TSPAN14: variants seen among roughly 807,000 people sequenced by gnomAD.
TSPAN14 encodes the protein tetraspanin-14.
Under a neutral mutation model 36.6 loss-of-function variants are expected in TSPAN14, and 16 were observed. The ratio of observed to expected loss-of-function variants is 0.44; its 90% confidence interval spans 0.30 to 0.66. The LOEUF is 0.66. TSPAN14 is among the 30% of genes least tolerant of loss of function. The pLI, the probability that TSPAN14 is intolerant of heterozygous loss-of-function variation, is 0.12. For synonymous variants in TSPAN14, 139 were observed against 143.8 expected (o/e 0.97, Z 0.24); for missense variants, 231 against 355.1 (o/e 0.65, Z 2.81).
At chr10:80,517,686 G>T (rs1022067942) in intron 8 of TSPAN14, among the ~76,000 whole-genome samples, 1 of 152,222 alleles carries the variant, frequency 6.6e-6, no homozygotes, top group African/African-American at 2.4e-5. Context: ...GCCTCTTCTA[G>T]GCTTTGGGAA....
At chr10:80,464,044 T>C (rs1470523621) in intron 1 of TSPAN14, among the ~76,000 whole-genome samples, 2 of 152,062 alleles carry the variant, frequency 1.3e-5, no homozygotes, top group Non-Finnish European at 2.9e-5. Flanking sequence ...CGAGTTGGGG[T>C]GTAGGGAGGC....
chr10:80,502,439 G>T (rs941104759), intron 2 of TSPAN14, among the ~76,000 whole-genome samples: 11 of 152,186 alleles, frequency 7.2e-5, no homozygotes, highest in African/African-American at 2.7e-4. Context: ...ATCCAGACTC[G>T]AGTGGGTGGA....
chr10:80,460,837 TG>T (rs768350473), intron 1 of TSPAN14, among the ~76,000 whole-genome samples: 14 of 152,150 alleles, frequency 9.2e-5, no homozygotes, highest in Non-Finnish European at 1.6e-4. Flanking sequence ...CTGCAATTTG[TG>T]TTCCCTGCTC....
rs541206713 is a variant in TSPAN14, at chr10:80,477,859, T to A, written c.-17-11358T>A. Among the ~76,000 whole-genome samples the A allele has an allele frequency of 5.9e-5, 9 of 152,286 alleles. No individual in the cohort carries two copies. In the South Asian group the frequency reaches 1.9e-3, roughly 32 times the overall value. On this transcript the variant is annotated intron_variant, in intron 1 of 8. Transcript: ENST00000429989. ...TTCTAGAACATTGACAGCCAGGCCC[T>A]TATAGATGAAAAGGGGCCTCACTGT...
intron 1 of TSPAN14, among the ~76,000 whole-genome samples, chr10:80,455,812 CA>C (rs1374519795): frequency 1.3e-5 from 2 of 152,134 alleles, no homozygotes; most frequent in African/African-American, 4.8e-5. Context: ...TTGCTGGGCT[CA>C]AGTGATCCTC....
At chr10:80,516,412 G>T in intron 8 of TSPAN14, 89 bp downstream of exon 8, 1 of 1,579,748 alleles carries the variant, frequency 6.3e-7, no homozygotes, top group South Asian at 1.1e-5. Flanking sequence ...TCCAGTTTGG[G>T]TATGGTATTA....
At chr10:80,482,251 A>G (rs754689106) in intron 1 of TSPAN14, among the ~76,000 whole-genome samples, 1 of 152,214 alleles carries the variant, frequency 6.6e-6, no homozygotes, top group Non-Finnish European at 1.5e-5. Flanking sequence ...CAAATCTACA[A>G]TGCACGGCAT....
intron 6 of TSPAN14, 128 bp downstream of exon 6, chr10:80,512,397 C>T: frequency 7.4e-7 from 1 of 1,352,918 alleles, no homozygotes; most frequent in Non-Finnish European, 9.9e-7. Context: ...GCTTTCTCCA[C>T]ACCCTCCTCA....
At chr10:80,497,389 T>A (rs1214742503) in intron 2 of TSPAN14, among the ~76,000 whole-genome samples, 1 of 152,230 alleles carries the variant, frequency 6.6e-6, no homozygotes, top group Non-Finnish European at 1.5e-5. Context: ...CTTCCGCCTG[T>A]TTTTACACAT....
At chr10:80,492,122 T>C (rs909182411) in intron 2 of TSPAN14, among the ~76,000 whole-genome samples, 4 of 152,202 alleles carry the variant, frequency 2.6e-5, no homozygotes, top group African/African-American at 9.7e-5. Flanking sequence ...AGCTGCCTAG[T>C]GTCTGCCTCA....
intron 2 of TSPAN14, among the ~76,000 whole-genome samples, chr10:80,497,227 A>G (rs1385715008): frequency 6.6e-6 from 1 of 152,262 alleles, no homozygotes; most frequent in Non-Finnish European, 1.5e-5. Context: ...ATATAAAAAC[A>G]TACCAGTGTT....
intron 2 of TSPAN14, among the ~76,000 whole-genome samples, chr10:80,489,573 CCTGT>C (rs927556237): frequency 5.3e-5 from 8 of 152,244 alleles, no homozygotes; most frequent in African/African-American, 1.9e-4. Context: ...GGCCCAGATG[CCTGT>C]CTGTCTCCCC....
intron 2 of TSPAN14, among the ~76,000 whole-genome samples, chr10:80,502,447 G>A (rs1450351242): frequency 6.6e-6 from 1 of 152,210 alleles, no homozygotes; most frequent in Non-Finnish European, 1.5e-5. Flanking sequence ...TCGAGTGGGT[G>A]GAGCCGGGGC....
intron 6 of TSPAN14, among the ~76,000 whole-genome samples, chr10:80,512,871 T>G (rs1840732484): frequency 1.3e-5 from 2 of 150,314 alleles, no homozygotes; most frequent in South Asian, 4.2e-4. Context: ...TTATTTTCTG[T>G]TTGTTGTTGT....
intron 5 of TSPAN14, among the ~76,000 whole-genome samples, chr10:80,511,646 C>G (rs1029199532): frequency 2.7e-5 from 4 of 150,558 alleles, no homozygotes; most frequent in Non-Finnish European, 5.9e-5. Context: ...CACCGTGGCC[C>G]GGAGATACCT....
intron 1 of TSPAN14, among the ~76,000 whole-genome samples, chr10:80,475,402 C>CA (rs1846801483): frequency 6.6e-6 from 1 of 152,028 alleles, no homozygotes; most frequent in Admixed American, 6.6e-5. Flanking sequence ...CCTATTTCTA[C>CA]AAAAAATTAA....
At chr10:80,508,133 T>TG (rs1554866119) in intron 4 of TSPAN14, among the ~76,000 whole-genome samples, 2 of 149,478 alleles carry the variant, frequency 1.3e-5, no homozygotes, top group African/African-American at 2.5e-5. Flanking sequence ...TTTTTTTTTT[T>TG]GATACCGAGT....
rs775903012 is a variant in TSPAN14 at position 80,489,347 on chromosome 10, T to A, written c.81+33T>A. ...GATGAGAGCTGCCACATTCCCTTGT[T>A]TAGTCCTTCATTCAGTAAATTATGG... On this transcript the variant is annotated intron_variant, in intron 2 of 8. Coordinates refer to ENST00000429989, the Ensembl canonical transcript of TSPAN14. 26 of 1,364,222 alleles carry A rather than the reference T, an allele frequency of 1.9e-5. 1 individual carries two copies. In the South Asian group the frequency reaches 3.2e-4, roughly 17 times the overall value. The allele number at this position is 1,364,222 out of a possible 1,614,324, so 84.5% of individuals were successfully genotyped here. A position where few individuals can be genotyped will look rare whatever the true frequency, so the allele number is the denominator to read the frequency against.
At chr10:80,459,106 C>T (rs1392260354) in intron 1 of TSPAN14, among the ~76,000 whole-genome samples, 1 of 152,156 alleles carries the variant, frequency 6.6e-6, no homozygotes, top group Non-Finnish European at 1.5e-5. Context: ...TCCAAAGCCC[C>T]TGAGTTAGGC....
Sources: allele counts gnomAD v4.1 joint callset (sites outside exome capture counted in the v4.1 genomes callset), GRCh38; gene constraint gnomAD v4.1.1; transcripts MANE v1.5; gene names NCBI Gene and HGNC (gene_info 2026-07-23, HGNC 2026-07-21).